Variants in CSMD1 observed in about 807,000 individuals in gnomAD.
CSMD1 encodes CUB and sushi domain-containing protein 1.
In CSMD1, 213 loss-of-function variants were observed where a neutral mutation model predicts 417.5. The observed-to-expected ratio is 0.51, with a 90% CI of 0.46 to 0.57. The LOEUF is 0.57. Ranked by LOEUF, CSMD1 falls within the 20% of genes least tolerant of loss-of-function variation. The pLI is 0.00. For missense variants in CSMD1, 6,923 were observed against 4,529.7 expected (o/e 1.53, Z -15.17); for synonymous variants, 2,862 against 1,736.8 (o/e 1.65, Z -16.11).
At chr8:3,313,373 G>A (rs994893128) in intron 23 of CSMD1, among the ~76,000 whole-genome samples, 5 of 152,120 alleles carry the variant, frequency 3.3e-5, no homozygotes, top group African/African-American at 9.7e-5. Flanking sequence ...CTACTCATCT[G>A]ACAAAGGGCT....
chr8:3,075,086 G>C (rs1033842256), intron 49 of CSMD1, among the ~76,000 whole-genome samples: 5 of 151,938 alleles, frequency 3.3e-5, no homozygotes, highest in Non-Finnish European at 7.4e-5. Context: ...ACTCTCTCTT[G>C]CTCCTACTTT....
intron 18 of CSMD1, among the ~76,000 whole-genome samples, chr8:3,382,449 A>C (rs1389542326): frequency 7.1e-6 from 1 of 141,036 alleles, no homozygotes; most frequent in African/African-American, 2.6e-5. Flanking sequence ...CATATATAAT[A>C]TAATATATAT....
At chr8:4,293,026 G>A (rs1009912113) in intron 3 of CSMD1, among the ~76,000 whole-genome samples, 1 of 152,146 alleles carries the variant, frequency 6.6e-6, no homozygotes, top group African/African-American at 2.4e-5. Flanking sequence ...GGAAAGTGTG[G>A]TTATGGCTTG....
At chr8:3,968,708 T>C (rs965943101) in intron 5 of CSMD1, among the ~76,000 whole-genome samples, 3 of 152,212 alleles carry the variant, frequency 2.0e-5, no homozygotes, top group African/African-American at 7.2e-5. Context: ...CTACAGGGTC[T>C]GTGTATTATC....
intron 3 of CSMD1, among the ~76,000 whole-genome samples, chr8:4,133,489 A>G (rs1803234430): frequency 6.6e-6 from 1 of 152,184 alleles, no homozygotes; most frequent in South Asian, 2.1e-4. Context: ...AGTATAGAAG[A>G]AAAGCCTGCC....
At chr8:3,576,155 C>A (rs1364636247) in intron 9 of CSMD1, among the ~76,000 whole-genome samples, 2 of 152,044 alleles carry the variant, frequency 1.3e-5, no homozygotes, top group Non-Finnish European at 2.9e-5. Context: ...CTCAGCACAA[C>A]AGGACTTGTG....
chr8:4,067,316 T>C lies in CSMD1; in HGVS notation c.416-35217A>G, dbSNP rs183888488. Among the ~76,000 whole-genome samples the C allele has an allele frequency of 2.0e-5, 3 of 152,350 alleles. No homozygotes were observed. In the East Asian group the frequency reaches 5.8e-4, roughly 29 times the overall value. ...AATCTCCGCCATACTAAATTTTCGTTAAGTAACGTTTTCAAGTAAGGTATA... is the reference window on the plus strand; with the variant it reads ...AATCTCCGCCATACTAAATTTTCGTCAAGTAACGTTTTCAAGTAAGGTATA... On this transcript the variant is annotated intron_variant, in intron 3 of 69. Coordinates refer to ENST00000635120, the MANE Select transcript of CSMD1 (RefSeq NM_033225.6).
chr8:3,543,993 A>T (rs1311496746), intron 10 of CSMD1, among the ~76,000 whole-genome samples: 1 of 152,150 alleles, frequency 6.6e-6, no homozygotes, highest in African/African-American at 2.4e-5. Flanking sequence ...TAGGAAGGGG[A>T]TCAAGAAGCA....
intron 21 of CSMD1, among the ~76,000 whole-genome samples, chr8:3,349,474 G>C (rs1470111124): frequency 6.6e-6 from 1 of 151,852 alleles, no homozygotes; most frequent in Non-Finnish European, 1.5e-5. Flanking sequence ...TTGACATCCT[G>C]GGTTCACTTC....
chr8:3,872,008 A>T (rs1324404675), intron 5 of CSMD1, among the ~76,000 whole-genome samples: 2 of 152,214 alleles, frequency 1.3e-5, no homozygotes, highest in Non-Finnish European at 2.9e-5. Context: ...AATGGTGTGC[A>T]GTGAGTATAG....
chr8:3,580,469 C>A (rs1020746242), intron 9 of CSMD1, among the ~76,000 whole-genome samples: 1 of 152,010 alleles, frequency 6.6e-6, no homozygotes. Context: ...CTGGCAAGCT[C>A]TAGGAATGTA....
chr8:4,275,251 C>T lies in CSMD1; in HGVS notation c.415+144702G>A, dbSNP rs185211865. Among the ~76,000 whole-genome samples, 29 of 151,666 alleles carry T rather than the reference C, an allele frequency of 1.9e-4. 1 individual carries two copies. Among genetic ancestry groups the T allele is most frequent in the Admixed American group, 4.6e-4 (7 of 15,208 alleles). ...TGATTTTTTTACAAATAAATATGGGCGAAATGAAAGCAATATGACTTCTCT... is the reference window on the plus strand; with the variant it reads ...TGATTTTTTTACAAATAAATATGGGTGAAATGAAAGCAATATGACTTCTCT... On this transcript the variant is annotated intron_variant, in intron 3 of 69. Transcript: ENST00000635120.
At chr8:4,694,715 T>C (rs1807004680) in intron 1 of CSMD1, among the ~76,000 whole-genome samples, 1 of 152,136 alleles carries the variant, frequency 6.6e-6, no homozygotes, top group Non-Finnish European at 1.5e-5. Context: ...CTACAATGTG[T>C]AACGTCAAGC....
intron 49 of CSMD1, among the ~76,000 whole-genome samples, chr8:3,070,406 T>C (rs1277817425): frequency 6.6e-6 from 1 of 152,238 alleles, no homozygotes; most frequent in African/African-American, 2.4e-5. Flanking sequence ...AAGTCATTTA[T>C]TTGCTCCTGT....
chr8:4,298,086 C>T (rs564071825), intron 3 of CSMD1, among the ~76,000 whole-genome samples: 4 of 152,006 alleles, frequency 2.6e-5, no homozygotes, highest in Admixed American at 1.3e-4. Context: ...TGGTGAAAAC[C>T]CAGGGTATAA....
At chr8:4,308,654 G>C (rs1341538854) in intron 3 of CSMD1, among the ~76,000 whole-genome samples, 1 of 152,156 alleles carries the variant, frequency 6.6e-6, no homozygotes, top group South Asian at 2.1e-4. Flanking sequence ...TCCAAGAACA[G>C]TTTATAAGAG....
chr8:2,950,826 A>T (rs755731471), intron 66 of CSMD1, among the ~76,000 whole-genome samples: 12 of 152,304 alleles, frequency 7.9e-5, no homozygotes, highest in South Asian at 2.1e-4. Context: ...ATTAAGAAAT[A>T]AAGTTTGGAG....
At chr8:4,576,520 T>C (rs1181628875) in intron 2 of CSMD1, among the ~76,000 whole-genome samples, 1 of 152,202 alleles carries the variant, frequency 6.6e-6, no homozygotes, top group Non-Finnish European at 1.5e-5. Context: ...TCTCCTACTA[T>C]ACCAAGATAG....
At chr8:3,166,784 C>T (rs1023384217) in intron 37 of CSMD1, among the ~76,000 whole-genome samples, 1 of 151,800 alleles carries the variant, frequency 6.6e-6, no homozygotes, top group African/African-American at 2.4e-5. Flanking sequence ...TTAAGGCAGA[C>T]TAAAAAGAAC....
Sources: gnomAD v4.1 joint callset for allele counts (sites outside exome capture counted in the v4.1 genomes callset) on GRCh38, gnomAD v4.1.1 for gene constraint, MANE v1.5 for transcripts, NCBI Gene and HGNC (gene_info 2026-07-23, HGNC 2026-07-21) for gene names.